The following INPP5B variants were observed in gnomAD, a reference collection of about 807,000 sequenced individuals.
INPP5B encodes type II inositol 1,4,5-trisphosphate 5-phosphatase.
In INPP5B, 90 loss-of-function variants were observed where a neutral mutation model predicts 118.5. The observed-to-expected ratio is 0.76, with a 90% CI of 0.64 to 0.90. The LOEUF (loss-of-function observed/expected upper bound fraction) is 0.90, where lower values mean the gene tolerates loss of function less well. Among genes scored for constraint, INPP5B ranks in the 40% least tolerant of loss-of-function variants. INPP5B has a pLI of 0.00. For synonymous variants in INPP5B, 385 were observed against 418.9 expected, an observed-to-expected ratio of 0.92 and a Z score of 0.99; for missense variants, 984 against 1,125.6, an observed-to-expected ratio of 0.87 and a Z score of 1.80.
chr1:37,931,654 T>C, intron 7 of INPP5B: 1 of 1,531,340 alleles, frequency 6.5e-7, no homozygotes, highest in Non-Finnish European at 8.8e-7. Context: ...CCAGCCCAGC[T>C]TCCCGCCGCC....
In INPP5B at chr1:37,889,742, T is replaced by A. The variant is rs369726152; in HGVS notation, c.630-18A>T. ...TATTCTGTCTGGAAAAACAGAAGTA[T>A]TTTTTTCATATGTGGATGAGTCCCC... On this transcript the variant is annotated intron_variant, in intron 8 of 23. Transcript: ENST00000373024. The A allele has an allele frequency of 8.8e-6, 14 of 1,593,574 alleles. No homozygotes were observed. The highest frequency in any genetic ancestry group is 1.7e-5 in the Admixed American group (1 of 58,010).
At chr1:37,871,691 T>C (rs1016466046) in intron 19 of INPP5B, among the ~76,000 whole-genome samples, 14 of 151,314 alleles carry the variant, frequency 9.3e-5, no homozygotes, top group Non-Finnish European at 1.8e-4. Flanking sequence ...TCACCTGAGG[T>C]CAGGAGTTCA....
chr1:37,941,076 C>G, intron 5 of INPP5B, among the ~76,000 whole-genome samples: 1 of 152,066 alleles, frequency 6.6e-6, no homozygotes, highest in East Asian at 1.9e-4. Flanking sequence ...AGAACAGGTT[C>G]TCTGGATGTG....
At chr1:37,908,355 C>A (rs1027026286) in intron 7 of INPP5B, among the ~76,000 whole-genome samples, 16 of 152,258 alleles carry the variant, frequency 1.1e-4, no homozygotes, top group African/African-American at 3.6e-4. Flanking sequence ...TCTTCTCATG[C>A]CTCTCTTGCT....
chr1:37,933,066 G>A lies in INPP5B; in HGVS notation c.392-1013C>T, dbSNP rs1239002966. On this transcript the variant is annotated intron_variant, in intron 6 of 23. Transcript: ENST00000373024. ...CGACCGAACTGAATAGGATGTGCAA[G>A]GACATGATATATGAGAAGACTTGAG... is the stretch of plus-strand genomic sequence containing the variant. Among the ~76,000 whole-genome samples the A allele has an allele frequency of 2.0e-5, 3 of 152,188 alleles. No individual in the cohort carries two copies. In the East Asian group the frequency reaches 5.8e-4, roughly 29 times the overall value.
At chr1:37,931,353 G>A in intron 7 of INPP5B, 1 of 1,190,592 alleles carries the variant, frequency 8.4e-7, no homozygotes, top group South Asian at 1.5e-5. Context: ...TGAAGAGCAA[G>A]CTCAGATGGA....
At chr1:37,931,754 C>G (rs775093926) in intron 7 of INPP5B, 159 bp downstream of exon 7, 3 of 1,601,282 alleles carry the variant, frequency 1.9e-6, no homozygotes, top group Middle Eastern at 3.3e-4. Flanking sequence ...CGCCGCCCGT[C>G]CCGCGCGCTC....
intron 7 of INPP5B, among the ~76,000 whole-genome samples, chr1:37,909,948 G>T (rs1027921255): frequency 6.6e-6 from 1 of 152,278 alleles, no homozygotes; most frequent in Non-Finnish European, 1.5e-5. Flanking sequence ...TCTGGCCACT[G>T]GGCCAAGGAA....
Position 37,866,370 on chromosome 1 carries a change from C to A in INPP5B, c.2386+89G>T, listed in dbSNP as rs190765000. 512 of 708,034 alleles carry A rather than the reference C, an allele frequency of 7.2e-4. 4 individuals carry two copies. In the African/African-American group the frequency reaches 8.4e-3, roughly 12 times the overall value. 43.9% of individuals were successfully genotyped at this position (708,034 alleles called of 1,614,324 possible). On this transcript the variant is annotated intron_variant, in intron 21 of 23. Transcript: ENST00000373024. ...CCATAAAATACTTTACTTTTTCTCA[C>A]CCCTCTCACTCATATTCTCTCTCTC...
chr1:37,943,553 G>A (rs1461938847), intron 5 of INPP5B, 87 bp downstream of exon 5: 4 of 1,409,104 alleles, frequency 2.8e-6, no homozygotes, highest in Admixed American at 3.6e-5. Context: ...GTTTAGCAGG[G>A]GGTGCTCTTA....
intron 13 of INPP5B, 143 bp from the exon 14 acceptor site, chr1:37,883,061 T>C: frequency 7.0e-7 from 1 of 1,436,946 alleles, no homozygotes. Context: ...AAAATTTTTT[T>C]CTCTCGCCAT....
chr1:37,908,384 C>A (rs1570244535), intron 7 of INPP5B, among the ~76,000 whole-genome samples: 2 of 152,258 alleles, frequency 1.3e-5, no homozygotes, highest in Middle Eastern at 6.8e-3. Flanking sequence ...ATCTTCCTCT[C>A]TTGCTACCCT....
chr1:37,902,723 A>G (rs987673384), intron 7 of INPP5B, among the ~76,000 whole-genome samples: 7 of 152,014 alleles, frequency 4.6e-5, no homozygotes, highest in Non-Finnish European at 1.0e-4. Context: ...ACACCCAGCT[A>G]ATTTTTGTAT....
intron 7 of INPP5B, among the ~76,000 whole-genome samples, chr1:37,910,426 C>T (rs1215059145): frequency 1.3e-5 from 2 of 152,112 alleles, no homozygotes; most frequent in Admixed American, 1.3e-4. Context: ...GACATTTTAA[C>T]TAAATTTTCT....
At chr1:37,902,764 G>A (rs1557675187) in intron 7 of INPP5B, among the ~76,000 whole-genome samples, 1 of 151,958 alleles carries the variant, frequency 6.6e-6, no homozygotes, top group Non-Finnish European at 1.5e-5. Flanking sequence ...CTCCATGTTG[G>A]TCAGGCTGGT....
chr1:37,935,427 C>T (rs1024370361), intron 6 of INPP5B, among the ~76,000 whole-genome samples: 4 of 151,116 alleles, frequency 2.6e-5, no homozygotes, highest in Non-Finnish European at 4.4e-5. Context: ...CTCCTGACCT[C>T]GTGATCCGCC....
chr1:37,940,831 C>G (rs376014055), intron 5 of INPP5B, 33 bp from the exon 6 acceptor site: 2 of 1,469,282 alleles, frequency 1.4e-6, no homozygotes, highest in Non-Finnish European at 1.9e-6. Context: ...GAACCCTTGG[C>G]TGCCAGGAGC....
chr1:37,917,339 T>TATATATATA (rs1557694463), intron 7 of INPP5B, among the ~76,000 whole-genome samples: 27 of 120,642 alleles, frequency 2.2e-4, no homozygotes, highest in South Asian at 5.8e-4. Flanking sequence ...TATATATATA[T>TATATATATA]TTGAGAAAGG....
intron 6 of INPP5B, among the ~76,000 whole-genome samples, chr1:37,938,083 C>T (rs868153796): frequency 6.6e-6 from 1 of 150,766 alleles, no homozygotes; most frequent in Non-Finnish European, 1.5e-5. Flanking sequence ...CCAGCCTGAT[C>T]AACATGGTGA....
Sources: allele counts gnomAD v4.1 joint callset (sites outside exome capture counted in the v4.1 genomes callset), GRCh38; gene constraint gnomAD v4.1.1; transcripts MANE v1.5; gene names NCBI Gene and HGNC (gene_info 2026-07-23, HGNC 2026-07-21).